Variants in B3GLCT observed in about 807,000 individuals in gnomAD.
B3GLCT encodes the protein beta 3-glucosyltransferase.
B3GLCT carries 65 observed loss-of-function variants against 63.4 expected under a neutral mutation model. The observed-to-expected ratio is 1.03, with a 90% confidence interval of 0.84 to 1.26. B3GLCT has a LOEUF of 1.26. Ranked by LOEUF, B3GLCT falls within the 50% of genes most tolerant of loss-of-function variation. The pLI is 0.00. For missense variants in B3GLCT, 577 were observed against 604.8 expected (o/e 0.95, Z 0.48); for synonymous variants, 233 against 219.2 (o/e 1.06, Z -0.55).
chr13:31,265,568 T>C (rs1427101173), intron 7 of B3GLCT, among the ~76,000 whole-genome samples: 2 of 152,246 alleles, frequency 1.3e-5, no homozygotes, highest in African/African-American at 4.8e-5. Flanking sequence ...AAAATTTTAT[T>C]TGGCCTAACA....
Position 31,269,360 on chromosome 13 carries a change from A to G in B3GLCT, c.660+83A>G, listed in dbSNP as rs77202425. 6,066 of 1,024,686 alleles carry G rather than the reference A, an allele frequency of 5.9e-3. 242 individuals carry two copies. In the African/African-American group the frequency reaches 0.083, roughly 14 times the overall value. 63.5% of individuals were successfully genotyped at this position (1,024,686 alleles called of 1,614,324 possible). A position where few individuals can be genotyped will look rare whatever the true frequency, so the allele number is the denominator to read the frequency against. On this transcript the variant is annotated intron_variant, in intron 8 of 14. Transcript: ENST00000343307. ...TGTAAAAGGTATTTTGCATTCCCTA[A>G]TCTTGCATTTTCCCCACCCACATCT...
chr13:31,317,599 T>G lies in B3GLCT; in HGVS notation c.1098T>G (p.Tyr366Ter). 6.2e-7 allele frequency: 1 copy of G among 1,614,108 alleles called. No individual in the cohort carries two copies. The highest frequency in any genetic ancestry group is 1.3e-5 in the African/African-American group (1 of 75,062). Residue 366 changes from tyrosine (Y) to a stop codon, truncating the protein, a stop_gained, in exon 13 of 15, where the codon TAT (tyrosine) becomes TAG (stop). Transcript: ENST00000343307. LOFTEE classifies it high-confidence loss of function. Reference sequence around the variant, plus strand: ...GGCTCCAGCACTTGCTTAGCTGTTATGACTCCGGCGAGCCTGTGTTTCTGG... The same window carrying G: ...GGCTCCAGCACTTGCTTAGCTGTTAGGACTCCGGCGAGCCTGTGTTTCTGG... Reference protein sequence around the residue: ...ISRLQHLLSCYDSGEPVFLGE... With the variant: ...ISRLQHLLSC
intron 4 of B3GLCT, among the ~76,000 whole-genome samples, chr13:31,240,329 CT>C (rs1212188899): frequency 6.6e-6 from 1 of 152,112 alleles, no homozygotes; most frequent in Non-Finnish European, 1.5e-5. Flanking sequence ...ATTTTGTAGC[CT>C]TTTGTGGTGA....
At chr13:31,308,340 A>G (rs1478880048) in intron 12 of B3GLCT, among the ~76,000 whole-genome samples, 1 of 15,366 alleles carries the variant, frequency 6.5e-5, no homozygotes, top group African/African-American at 8.8e-5. Flanking sequence ...AATAAAAAAA[A>G]AAAAATTAAA....
chr13:31,221,665 C>T (rs764685716), intron 2 of B3GLCT, among the ~76,000 whole-genome samples: 5 of 152,196 alleles, frequency 3.3e-5, no homozygotes, highest in Non-Finnish European at 7.3e-5. Flanking sequence ...CTCTCTTCCC[C>T]GAGTGTTGTC....
intron 4 of B3GLCT, among the ~76,000 whole-genome samples, chr13:31,234,847 G>T (rs1870568925): frequency 6.6e-6 from 1 of 152,154 alleles, no homozygotes; most frequent in Admixed American, 6.5e-5. Context: ...CTTGGTTGAG[G>T]ATTACTACCA....
chr13:31,323,898 G>A lies in B3GLCT; in HGVS notation c.1329+3G>A. 6.2e-7 allele frequency: 1 copy of A among 1,614,186 alleles called. No homozygotes were observed. Among genetic ancestry groups the A allele is most frequent in the Non-Finnish European group, 8.5e-7 (1 of 1,180,000 alleles). On this transcript the variant is annotated splice_donor_region_variant and intron_variant, in intron 14 of 14. Transcript: ENST00000343307. ...CACACAGCCCTCTCTTCCATCAGGTGAGGAAATGGTTTTTATTCTTCCCTC... is the reference window on the plus strand; with the variant it reads ...CACACAGCCCTCTCTTCCATCAGGTAAGGAAATGGTTTTTATTCTTCCCTC...
intron 12 of B3GLCT, among the ~76,000 whole-genome samples, chr13:31,300,333 A>G (rs1335876273): frequency 6.6e-6 from 1 of 152,184 alleles, no homozygotes; most frequent in Non-Finnish European, 1.5e-5. Flanking sequence ...ACATCACCCA[A>G]AACAGCATGG....
At chr13:31,309,505 A>G (rs1874591991) in intron 12 of B3GLCT, among the ~76,000 whole-genome samples, 2 of 152,222 alleles carry the variant, frequency 1.3e-5, no homozygotes, top group South Asian at 4.1e-4. Flanking sequence ...TGACTGACTG[A>G]CTTTAAGTTG....
At chr13:31,247,315 T>C (rs1381654101) in intron 5 of B3GLCT, among the ~76,000 whole-genome samples, 2 of 152,184 alleles carry the variant, frequency 1.3e-5, no homozygotes, top group African/African-American at 4.8e-5. Context: ...AGAGTCTCGC[T>C]CTGTCGCCAG....
chr13:31,293,389 T>C (rs756945244), intron 12 of B3GLCT, among the ~76,000 whole-genome samples: 10 of 152,186 alleles, frequency 6.6e-5, no homozygotes, highest in Non-Finnish European at 1.0e-4. Context: ...CTGTCTAATA[T>C]TGACAGTGGG....
intron 1 of B3GLCT, among the ~76,000 whole-genome samples, chr13:31,211,298 G>A (rs1593246376): frequency 6.6e-6 from 1 of 152,146 alleles, no homozygotes; most frequent in Non-Finnish European, 1.5e-5. Flanking sequence ...GGAGGCTAAG[G>A]TAGGAGAGAA....
intron 7 of B3GLCT, 103 bp from the exon 8 acceptor site, chr13:31,269,111 T>C: frequency 1.2e-6 from 1 of 803,662 alleles, no homozygotes; most frequent in East Asian, 2.5e-5. Flanking sequence ...TCTTTAAATC[T>C]GTATGTTTAT....
intron 2 of B3GLCT, among the ~76,000 whole-genome samples, chr13:31,218,636 C>A (rs1486236661): frequency 6.6e-6 from 1 of 152,164 alleles, no homozygotes; most frequent in African/African-American, 2.4e-5. Flanking sequence ...ATCTTACTGT[C>A]TGTGAAGAGA....
At chr13:31,241,336 G>C (rs1455081259) in intron 4 of B3GLCT, among the ~76,000 whole-genome samples, 1 of 152,180 alleles carries the variant, frequency 6.6e-6, no homozygotes, top group Non-Finnish European at 1.5e-5. Flanking sequence ...CCAAGAATCA[G>C]GTAGCTTTAG....
chr13:31,200,474 G>T, intron 1 of B3GLCT, among the ~76,000 whole-genome samples: 1 of 149,922 alleles, frequency 6.7e-6, no homozygotes, highest in East Asian at 1.9e-4. Flanking sequence ...GGCGGCGAGG[G>T]CGCAGCAGCC....
At chr13:31,323,041 A>G (rs944602625) in intron 13 of B3GLCT, among the ~76,000 whole-genome samples, 1 of 152,190 alleles carries the variant, frequency 6.6e-6, no homozygotes, top group African/African-American at 2.4e-5. Flanking sequence ...TTTTGTTACA[A>G]CATCTTAAGT....
chr13:31,235,139 G>C (rs1010164737), intron 4 of B3GLCT, among the ~76,000 whole-genome samples: 3 of 152,094 alleles, frequency 2.0e-5, no homozygotes, highest in African/African-American at 7.2e-5. Context: ...ATGGACCCAG[G>C]CTGGAGAGAA....
At chr13:31,205,824 C>A (rs1422774687) in intron 1 of B3GLCT, among the ~76,000 whole-genome samples, 1 of 152,140 alleles carries the variant, frequency 6.6e-6, no homozygotes, top group Non-Finnish European at 1.5e-5. Context: ...CTACATATAT[C>A]TGCATGTTGT....
Sources: allele counts gnomAD v4.1 joint callset (sites outside exome capture counted in the v4.1 genomes callset), GRCh38; gene constraint gnomAD v4.1.1; transcripts MANE v1.5; gene names NCBI Gene and HGNC (gene_info 2026-07-23, HGNC 2026-07-21).